Variants in GCNT1 observed in about 807,000 individuals in gnomAD.
GCNT1 encodes the protein beta-1,3-galactosyl-O-glycosyl-glycoprotein beta-1,6-N-acetylglucosaminyltransferase.
In GCNT1, 16 loss-of-function variants were observed where a neutral mutation model predicts 26.2. That is an observed-to-expected ratio of 0.61 (90% CI 0.41 to 0.93). The LOEUF (loss-of-function observed/expected upper bound fraction) is 0.93, where lower values mean the gene tolerates loss of function less well. GCNT1 is among the 40% of genes least tolerant of loss of function. The pLI is 0.00. For synonymous variants in GCNT1, 183 were observed against 190.8 expected, an observed-to-expected ratio of 0.96 and a Z score of 0.34; for missense variants, 477 against 526.7, an observed-to-expected ratio of 0.91 and a Z score of 0.92.
intron 1 of GCNT1, among the ~76,000 whole-genome samples, chr9:76,443,812 C>T (rs1057368872): frequency 6.6e-5 from 10 of 151,500 alleles, no homozygotes; most frequent in South Asian, 2.1e-4. Flanking sequence ...ACCTGGGAGG[C>T]GGAGGTTTCA....
upstream of GCNT1, chr9:76,459,120 C>G (rs934576184): frequency 6.6e-6 from 1 of 152,298 alleles, no homozygotes; most frequent in Non-Finnish European, 1.5e-5. Context: ...GTGGGCGAGG[C>G]GGGGACGTGG....
At chr9:76,475,934 C>T (rs1220045580) in intron 2 of GCNT1, among the ~76,000 whole-genome samples, 5 of 152,074 alleles carry the variant, frequency 3.3e-5, no homozygotes, top group African/African-American at 4.8e-5. Flanking sequence ...TGTTTTGCTC[C>T]GTGGCCTCCA....
chr9:76,502,927 GGA>G lies in GCNT1; in HGVS notation c.550_551del (p.Ser184CysfsTer12), dbSNP rs763744548. On this transcript the variant is annotated frameshift_variant, in exon 4 of 4. Transcript: ENST00000376730. LOFTEE classifies it high-confidence loss of function. Reference protein sequence around the residue: ...FSNVFVASRLESVVYASWSRV... With the variant: ...FSNVFVASRLXSVVYASWSRV... ...GTAATGTCTTTGTGGCCAGCCGATTGGAGAGTGTGGTTTATGCATCGTGGAGC... is the reference window on the plus strand; with the variant it reads ...GTAATGTCTTTGTGGCCAGCCGATTGGAGTGTGGTTTATGCATCGTGGAGC... 2 of 1,613,340 alleles carry G rather than the reference GGA, an allele frequency of 1.2e-6. No individual in the cohort carries two copies. The highest frequency in any genetic ancestry group is 1.7e-6 in the Non-Finnish European group (2 of 1,180,016).
intron 2 of GCNT1, among the ~76,000 whole-genome samples, chr9:76,492,817 G>GC (rs1208260070): frequency 6.6e-6 from 1 of 151,952 alleles, no homozygotes; most frequent in Non-Finnish European, 1.5e-5. Flanking sequence ...TTGTCTGAGA[G>GC]CCATGACTAA....
rs546314870 is a variant in GCNT1, at chr9:76,502,948, G to C, written c.567G>C (p.Ser189=). Residue 189 remains serine, a synonymous_variant, in exon 4 of 4, where the codon TCG becomes TCC. Transcript: ENST00000376730. ...GATTGGAGAGTGTGGTTTATGCATC[G>C]TGGAGCCGGGTTCAGGCTGACCTCA... ...ASRLESVVYA[S]WSRVQADLNC... is the part of the protein sequence containing the mutation. 2 of 1,612,926 alleles carry C rather than the reference G, an allele frequency of 1.2e-6. No homozygotes were observed. The highest frequency in any genetic ancestry group is 1.7e-6 in the Non-Finnish European group (2 of 1,179,988).
the GCNT1 span, among the ~76,000 whole-genome samples, chr9:76,406,496 CA>C: frequency 0.029 from 1,838 of 62,442 alleles, 27 homozygotes; most frequent in African/African-American, 0.09. Context: ...GACCCTGTCT[CA>C]AAAAAAAAAA....
intron 1 of GCNT1, among the ~76,000 whole-genome samples, chr9:76,428,291 T>TAAAAAAAAAAAAAAAA (rs1564220598): frequency 1.3e-5 from 1 of 77,028 alleles, no homozygotes; most frequent in Non-Finnish European, 3.0e-5. Context: ...AAAAAAAAAC[T>TAAAAAAAAAAAAAAAA]TAAAAAAAAA....
At chr9:76,404,233 C>T in the GCNT1 span, among the ~76,000 whole-genome samples, 1 of 152,064 alleles carries the variant, frequency 6.6e-6, no homozygotes, top group Non-Finnish European at 1.5e-5. Flanking sequence ...GTGTTTCCCT[C>T]CTTTTTTCTC....
chr9:76,488,446 G>C (rs60588950), intron 2 of GCNT1, among the ~76,000 whole-genome samples: 1 of 151,808 alleles, frequency 6.6e-6, no homozygotes, highest in Non-Finnish European at 1.5e-5. Flanking sequence ...TGCTTAACTC[G>C]CTGTGAGTGT....
upstream of GCNT1, among the ~76,000 whole-genome samples, chr9:76,458,883 A>G (rs941708319): frequency 6.6e-6 from 1 of 152,274 alleles, no homozygotes; most frequent in Non-Finnish European, 1.5e-5. Context: ...AAAATCAGAA[A>G]AGGCAGCATT....
In GCNT1 at chr9:76,465,079, C is replaced by G. The variant is rs187583138; in HGVS notation, c.-290+4902C>G. On this transcript the variant is annotated intron_variant, in intron 2 of 3. Coordinates refer to ENST00000376730, the MANE Select transcript of GCNT1 (RefSeq NM_001490.5). The stretch of plus-strand genomic sequence containing the variant: ...AGCACACTGCCATCAAACTCCTGGG[C>G]TCAAGTGATCCTCCTGCCTCAGCCT... Among the ~76,000 whole-genome samples, 678 of 152,190 alleles carry G rather than the reference C, an allele frequency of 4.5e-3. 2 individuals carry two copies. The highest frequency in any genetic ancestry group is 6.4e-3 in the Non-Finnish European group (434 of 68,020).
chr9:76,447,146 T>C (rs1823589525), intron 1 of GCNT1, among the ~76,000 whole-genome samples: 1 of 82,500 alleles, frequency 1.2e-5, no homozygotes, highest in African/African-American at 4.9e-5. Flanking sequence ...AGTGAAACCC[T>C]GTGTCAAAAA....
chr9:76,413,648 G>GTTTT, the GCNT1 span, among the ~76,000 whole-genome samples: 1 of 28,116 alleles, frequency 3.6e-5, no homozygotes, highest in Admixed American at 2.6e-4. Context: ...TTTTTGTTTT[G>GTTTT]TTTTGTTTTT....
At chr9:76,440,441 C>T (rs1445095905), upstream of GCNT1, among the ~76,000 whole-genome samples, 2 of 152,180 alleles carry the variant, frequency 1.3e-5, no homozygotes, top group African/African-American at 2.4e-5. Context: ...TATATTTGCT[C>T]CACAGGTGAG....
intron 1 of GCNT1, among the ~76,000 whole-genome samples, chr9:76,430,798 C>G (rs1823328541): frequency 6.6e-6 from 1 of 152,178 alleles, no homozygotes; most frequent in African/African-American, 2.4e-5. Context: ...ATTCTTGTGC[C>G]TCAGGCCCCT....
chr9:76,413,138 G>A, the GCNT1 span, among the ~76,000 whole-genome samples: 8 of 152,158 alleles, frequency 5.3e-5, no homozygotes, highest in African/African-American at 1.7e-4. Context: ...TTCATGTTTT[G>A]TTTGAATTAC....
chr9:76,485,074 G>A (rs11144923), intron 2 of GCNT1, among the ~76,000 whole-genome samples: 55,985 of 151,864 alleles, frequency 0.37, 11,390 homozygotes, highest in Non-Finnish European at 0.45. Context: ...GGCGTGAGCC[G>A]CCGCGCCCGA....
the GCNT1 span, among the ~76,000 whole-genome samples, chr9:76,400,836 A>C: frequency 1.6e-4 from 25 of 152,300 alleles, no homozygotes; most frequent in Non-Finnish European, 3.5e-4. Flanking sequence ...CTAGCTAGGG[A>C]GAGTTCCTGT....
the GCNT1 span, among the ~76,000 whole-genome samples, chr9:76,411,574 C>G: frequency 8.5e-5 from 13 of 152,064 alleles, no homozygotes; most frequent in Non-Finnish European, 1.6e-4. Context: ...AGCCATCCAC[C>G]TGCCTCAGCC....
Sources: allele counts gnomAD v4.1 joint callset (sites outside exome capture counted in the v4.1 genomes callset), GRCh38; gene constraint gnomAD v4.1.1; transcripts MANE v1.5; gene names NCBI Gene and HGNC (gene_info 2026-07-23, HGNC 2026-07-21).